The following SH3RF3 variants were observed in gnomAD, a reference collection of about 807,000 sequenced individuals.
SH3RF3 encodes SH3 domain containing ring finger 3.
SH3RF3 carries 29 observed loss-of-function variants against 66.3 expected under a neutral mutation model. That is an observed-to-expected ratio of 0.44 (90% CI 0.33 to 0.60). SH3RF3 has a LOEUF of 0.60. Among genes scored for constraint, SH3RF3 ranks in the 20% least tolerant of loss-of-function variants. The pLI, the probability that SH3RF3 is intolerant of heterozygous loss-of-function variation, is 0.04. For missense variants in SH3RF3, 1,194 were observed against 1,190.9 expected (o/e 1.00, Z -0.04); for synonymous variants, 583 against 532.0 (o/e 1.10, Z -1.32).
Position 109,345,322 on chromosome 2 carries a change from C to T in SH3RF3, c.574-2352C>T, listed in dbSNP as rs142620522. 3.1e-3 allele frequency among the ~76,000 whole-genome samples: 477 copies of T among 152,200 alleles called. 3 individuals carry two copies. The highest frequency in any genetic ancestry group is 0.01 in the African/African-American group (435 of 41,524). The stretch of plus-strand genomic sequence containing the variant: ...GAAAGGAAACACAGTGTCCCCTTCT[C>T]GGGGGCATTGCAGGGAGATGTGTGT... On this transcript the variant is annotated intron_variant, in intron 1 of 9. Coordinates refer to ENST00000309415, the MANE Select transcript of SH3RF3 (RefSeq NM_001099289.3).
intron 1 of SH3RF3, among the ~76,000 whole-genome samples, chr2:109,250,412 TTTC>T (rs1328846289): frequency 1.3e-5 from 2 of 152,156 alleles, no homozygotes; most frequent in African/African-American, 4.8e-5. Flanking sequence ...TACAACTTCG[TTTC>T]TTCATGAAAC....
chr2:109,484,173 TCTC>T (rs1360728334), intron 8 of SH3RF3, among the ~76,000 whole-genome samples: 1 of 151,724 alleles, frequency 6.6e-6, no homozygotes, highest in Non-Finnish European at 1.5e-5. Flanking sequence ...TTCAAGCGAT[TCTC>T]CTGCCTCAGC....
intron 1 of SH3RF3, among the ~76,000 whole-genome samples, chr2:109,267,206 A>G (rs1019661943): frequency 6.6e-6 from 1 of 152,128 alleles, no homozygotes; most frequent in Non-Finnish European, 1.5e-5. Context: ...CATATTTTTT[A>G]GGAATCTCCC....
intron 1 of SH3RF3, among the ~76,000 whole-genome samples, chr2:109,172,587 T>C (rs954484164): frequency 9.2e-5 from 14 of 152,336 alleles, no homozygotes; most frequent in Admixed American, 7.2e-4. Flanking sequence ...GGGCTGCACC[T>C]GGCCACCCAG....
At chr2:109,440,427 G>A (rs564743756) in intron 7 of SH3RF3, among the ~76,000 whole-genome samples, 29 of 152,320 alleles carry the variant, frequency 1.9e-4, no homozygotes, top group Admixed American at 1.8e-3. Context: ...TCTAGACCAC[G>A]TAAGGAATTT....
At chr2:109,461,191 C>T (rs540467636) in intron 8 of SH3RF3, among the ~76,000 whole-genome samples, 3 of 152,334 alleles carry the variant, frequency 2.0e-5, no homozygotes, top group South Asian at 2.1e-4. Context: ...CTGCTGTGCA[C>T]GCCCAGCTTT....
chr2:109,251,307 CA>C (rs1365584993), intron 1 of SH3RF3: 1 of 415,896 alleles, frequency 2.4e-6, no homozygotes, highest in Non-Finnish European at 4.5e-6. Flanking sequence ...ATGCCCGGCC[CA>C]AATTATCTTT....
At chr2:109,260,733 A>G (rs1357923540) in intron 1 of SH3RF3, among the ~76,000 whole-genome samples, 3 of 152,172 alleles carry the variant, frequency 2.0e-5, no homozygotes, top group African/African-American at 4.8e-5. Flanking sequence ...GATACTGTCC[A>G]TGGGCAATCC....
chr2:109,274,116 A>C (rs1680692753), intron 1 of SH3RF3, among the ~76,000 whole-genome samples: 1 of 152,250 alleles, frequency 6.6e-6, no homozygotes, highest in Non-Finnish European at 1.5e-5. Context: ...CATTTGTGGT[A>C]GTATGTCAAA....
intron 3 of SH3RF3, among the ~76,000 whole-genome samples, chr2:109,384,701 T>C (rs1675778638): frequency 6.6e-6 from 1 of 152,176 alleles, no homozygotes; most frequent in Non-Finnish European, 1.5e-5. Flanking sequence ...ACCCCCGCTT[T>C]GCTGAGGTGA....
intron 4 of SH3RF3, among the ~76,000 whole-genome samples, chr2:109,405,732 C>T (rs1291872256): frequency 6.6e-6 from 1 of 152,220 alleles, no homozygotes; most frequent in Non-Finnish European, 1.5e-5. Context: ...AAATCAATTC[C>T]CCCACTGTCT....
intron 1 of SH3RF3, among the ~76,000 whole-genome samples, chr2:109,148,851 T>A (rs1303818614): frequency 6.5e-5 from 9 of 139,032 alleles, no homozygotes; most frequent in South Asian, 2.4e-4. Flanking sequence ...TGTTTTTTTT[T>A]AAAAAGTATT....
chr2:109,471,600 CA>C (rs1559101328), intron 8 of SH3RF3, among the ~76,000 whole-genome samples: 1 of 152,198 alleles, frequency 6.6e-6, no homozygotes, highest in Non-Finnish European at 1.5e-5. Context: ...TGGAACAGCT[CA>C]TGTAGGCCCA....
At chr2:109,415,388 A>G (rs1676694924) in intron 4 of SH3RF3, among the ~76,000 whole-genome samples, 1 of 152,200 alleles carries the variant, frequency 6.6e-6, no homozygotes, top group Non-Finnish European at 1.5e-5. Flanking sequence ...GGTTGAAAGC[A>G]TTGTTCCAGG....
intron 2 of SH3RF3, among the ~76,000 whole-genome samples, chr2:109,367,716 A>G (rs1683177637): frequency 6.6e-6 from 1 of 152,080 alleles, no homozygotes; most frequent in Non-Finnish European, 1.5e-5. Flanking sequence ...TTTGCTTTGC[A>G]TTTGTCTCTA....
At chr2:109,250,688 C>T (rs985001211) in intron 1 of SH3RF3, among the ~76,000 whole-genome samples, 1 of 151,530 alleles carries the variant, frequency 6.6e-6, no homozygotes, top group East Asian at 1.9e-4. Flanking sequence ...ATATTTATAT[C>T]AAAGGAGGAC....
Position 109,449,334 on chromosome 2 carries a change from G to C in SH3RF3, c.1993G>C (p.Ala665Pro), listed in dbSNP as rs1032223675. Residue 665 changes from alanine (A) to proline (P), a missense_variant, in exon 8 of 10, where the codon GCC becomes CCC. By Grantham distance (27) the Ala-to-Pro change is conservative. Transcript: ENST00000309415. ...CCCGGTGCAGATGTGCCCACGGCCG[G>C]CCATCCCCCTCACATCAGCAGCATC... ...QPPVQMCPRP[A>P]IPLTSAASAI... The C allele has an allele frequency of 5.0e-6, 8 of 1,604,714 alleles. No homozygotes were observed. The highest frequency in any genetic ancestry group is 6.8e-6 in the Non-Finnish European group (8 of 1,174,720).
chr2:109,187,856 G>A (rs1392823950), intron 1 of SH3RF3, among the ~76,000 whole-genome samples: 5 of 152,184 alleles, frequency 3.3e-5, no homozygotes, highest in Admixed American at 6.5e-5. Context: ...TTATCAGCAC[G>A]GACTGGGTGC....
intron 1 of SH3RF3, among the ~76,000 whole-genome samples, chr2:109,248,230 TCTTA>T (rs1024988448): frequency 3.3e-5 from 5 of 152,342 alleles, no homozygotes; most frequent in Admixed American, 2.0e-4. Flanking sequence ...GAATAGGAGT[TCTTA>T]CTTTTAATAA....
Sources: allele counts gnomAD v4.1 joint callset (sites outside exome capture counted in the v4.1 genomes callset), GRCh38; gene constraint gnomAD v4.1.1; transcripts MANE v1.5; gene names NCBI Gene and HGNC (gene_info 2026-07-23, HGNC 2026-07-21).